Variants in ARNT2 observed in about 807,000 individuals in gnomAD.
ARNT2 encodes aryl hydrocarbon receptor nuclear translocator 2.
In ARNT2, 36 loss-of-function variants were observed where a neutral mutation model predicts 91.7. The ratio of observed to expected loss-of-function variants is 0.39; its 90% confidence interval spans 0.30 to 0.52. The LOEUF is 0.52. ARNT2 is among the 20% of genes least tolerant of loss of function. The pLI, the probability that ARNT2 is intolerant of heterozygous loss-of-function variation, is 0.72. For synonymous variants in ARNT2, 365 were observed against 347.1 expected, an observed-to-expected ratio of 1.05 and a Z score of -0.57; for missense variants, 775 against 939.3, an observed-to-expected ratio of 0.83 and a Z score of 2.29.
chr15:80,482,681 G>A (rs1245010114), intron 5 of ARNT2, among the ~76,000 whole-genome samples: 5 of 152,232 alleles, frequency 3.3e-5, no homozygotes, highest in Non-Finnish European at 4.4e-5. Context: ...TCAAAGCTCT[G>A]AGACTGAGGC....
At chr15:80,469,225 C>T (rs1472703202) in intron 3 of ARNT2, among the ~76,000 whole-genome samples, 1 of 152,070 alleles carries the variant, frequency 6.6e-6, no homozygotes, top group Non-Finnish European at 1.5e-5. Flanking sequence ...AAACATTCTA[C>T]CATCCCTTCT....
intron 8 of ARNT2, among the ~76,000 whole-genome samples, chr15:80,535,096 A>G (rs1213725744): frequency 6.6e-6 from 1 of 152,228 alleles, no homozygotes; most frequent in Non-Finnish European, 1.5e-5. Context: ...GGAGGTGGGT[A>G]GGATCAAGAG....
intron 7 of ARNT2, 122 bp downstream of exon 7, chr15:80,514,098 C>T: frequency 9.5e-7 from 1 of 1,057,216 alleles, no homozygotes; most frequent in Non-Finnish European, 1.4e-6. Flanking sequence ...AACCAGACAT[C>T]AGGGTGGCAG....
intron 1 of ARNT2, among the ~76,000 whole-genome samples, chr15:80,405,246 C>G (rs1157648364): frequency 6.6e-6 from 1 of 152,230 alleles, no homozygotes; most frequent in African/African-American, 2.4e-5. Context: ...CAAGTGGCAA[C>G]ATTGACTTGT....
intron 15 of ARNT2, 111 bp from the exon 16 acceptor site, chr15:80,580,300 T>C: frequency 7.4e-7 from 1 of 1,360,162 alleles, no homozygotes; most frequent in Non-Finnish European, 1.0e-6. Flanking sequence ...ACGTGCTGCA[T>C]GGAGAGAGAG....
chr15:80,434,219 GAGA>G (rs988158678), intron 1 of ARNT2: 1 of 152,240 alleles, frequency 6.6e-6, no homozygotes, highest in African/African-American at 2.4e-5. Flanking sequence ...AGGAGGGCAA[GAGA>G]AGATCAGAGA....
intron 1 of ARNT2, among the ~76,000 whole-genome samples, chr15:80,409,010 C>G (rs527661405): frequency 6.6e-6 from 1 of 152,098 alleles, no homozygotes; most frequent in African/African-American, 2.4e-5. Flanking sequence ...CACAACCTCC[C>G]CCATGATCAA....
chr15:80,465,358 G>A (rs1342047707), intron 3 of ARNT2, among the ~76,000 whole-genome samples: 1 of 152,170 alleles, frequency 6.6e-6, no homozygotes, highest in Non-Finnish European at 1.5e-5. Flanking sequence ...CCAGGTTGGG[G>A]AGAAGCTTTA....
In ARNT2 at chr15:80,405,013, G is replaced by A. The variant is rs546138848; in HGVS notation, c.31+467G>A. 3.4e-5 allele frequency among the ~76,000 whole-genome samples: 5 copies of A among 145,024 alleles called. No individual in the cohort carries two copies. The East Asian group carries it at 1.2e-3, about 34-fold the overall frequency. ...CAACTCCCGGGACTCTCCCCTGCCC[G>A]CCCCGCCCACTAAGCGCTGGTCCTT... On this transcript the variant is annotated intron_variant, in intron 1 of 18. Coordinates refer to ENST00000303329, the MANE Select transcript of ARNT2 (RefSeq NM_014862.4).
intron 8 of ARNT2, among the ~76,000 whole-genome samples, chr15:80,549,220 A>G (rs1566998527): frequency 6.6e-6 from 1 of 152,200 alleles, no homozygotes; most frequent in Non-Finnish European, 1.5e-5. Context: ...TCCCAAAAGA[A>G]TAACTCTGAA....
intron 1 of ARNT2, among the ~76,000 whole-genome samples, chr15:80,441,834 G>A (rs376381965): frequency 1.5e-4 from 23 of 152,132 alleles, no homozygotes; most frequent in South Asian, 2.1e-4. Context: ...TCTGTGTTAC[G>A]GTGAACCTTA....
At chr15:80,499,912 G>A (rs1897168551) in intron 5 of ARNT2, among the ~76,000 whole-genome samples, 1 of 152,166 alleles carries the variant, frequency 6.6e-6, no homozygotes, top group Non-Finnish European at 1.5e-5. Flanking sequence ...TAGAGTAAGA[G>A]ATGTCTTATG....
At chr15:80,489,312 G>C (rs1284214579) in intron 5 of ARNT2, among the ~76,000 whole-genome samples, 1 of 152,178 alleles carries the variant, frequency 6.6e-6, no homozygotes, top group Non-Finnish European at 1.5e-5. Flanking sequence ...TTTAGTAGAA[G>C]CTAATTGAGG....
At chr15:80,521,402 T>C (rs1015767727) in intron 8 of ARNT2, among the ~76,000 whole-genome samples, 8 of 152,024 alleles carry the variant, frequency 5.3e-5, no homozygotes, top group African/African-American at 1.4e-4. Context: ...TCCAACAAAT[T>C]TACTGGTAAA....
chr15:80,463,471 T>TGGGTTAGGGTTA (rs573736518), intron 3 of ARNT2, among the ~76,000 whole-genome samples: 2 of 151,846 alleles, frequency 1.3e-5, no homozygotes, highest in African/African-American at 4.8e-5. Context: ...GTTGCTTCAG[T>TGGGTTAGGGTTA]GGGTTAGGGT....
intron 5 of ARNT2, among the ~76,000 whole-genome samples, chr15:80,503,887 A>G (rs1459419211): frequency 6.6e-6 from 1 of 152,208 alleles, no homozygotes; most frequent in Non-Finnish European, 1.5e-5. Flanking sequence ...GTAGAGCGCC[A>G]TGCAGTCTGC....
intron 3 of ARNT2, among the ~76,000 whole-genome samples, chr15:80,459,338 A>G (rs989664870): frequency 6.6e-6 from 1 of 152,204 alleles, no homozygotes; most frequent in Non-Finnish European, 1.5e-5. Flanking sequence ...CAGCTTGGAC[A>G]TCCACCCATT....
Position 80,552,774 on chromosome 15 carries a change from G to A in ARNT2, c.1089G>A (p.Gln363=), listed in dbSNP as rs781604558. The A allele has an allele frequency of 5.0e-6, 8 of 1,613,568 alleles. No homozygotes were observed. The highest frequency in any genetic ancestry group is 1.7e-5 in the Admixed American group (1 of 59,968). The change falls in exon 10 of 19, where the codon CAG becomes CAA. Residue 363 remains glutamine (Q), a splice_region_variant and synonymous_variant. Transcript: ENST00000303329. ...RCISVIGYQP[Q]DLLGKDILEF... The stretch of plus-strand genomic sequence containing the variant: ...TCAGTGTGATTGGCTACCAACCCCA[G>A]GTGAGTAGATAGTTTTGAGCCTATG...
At chr15:80,419,713 T>TGA (rs1353046677) in intron 1 of ARNT2, among the ~76,000 whole-genome samples, 1 of 152,188 alleles carries the variant, frequency 6.6e-6, no homozygotes, top group Non-Finnish European at 1.5e-5. Context: ...ATGGTTGGCA[T>TGA]GAAAGCACCT....
Sources: allele counts gnomAD v4.1 joint callset (sites outside exome capture counted in the v4.1 genomes callset), GRCh38; gene constraint gnomAD v4.1.1; transcripts MANE v1.5; gene names NCBI Gene and HGNC (gene_info 2026-07-23, HGNC 2026-07-21).